The following MAPKAP1 variants were observed in gnomAD, a reference collection of about 807,000 sequenced individuals.
The protein encoded by MAPKAP1 is MAPK associated protein 1.
A neutral mutation model predicts 65.7 loss-of-function variants in MAPKAP1; 20 were observed. That is an observed-to-expected ratio of 0.30 (90% CI 0.21 to 0.44). The LOEUF is 0.44. Among genes scored for constraint, MAPKAP1 ranks in the 20% least tolerant of loss-of-function variants. MAPKAP1 has a pLI of 1.00. For missense variants in MAPKAP1, 423 were observed against 648.0 expected (o/e 0.65, Z 3.77); for synonymous variants, 222 against 244.3 (o/e 0.91, Z 0.85).
rs562224120 is a variant in MAPKAP1, at chr9:125,487,104, A to G, written c.1067-2521T>C. The stretch of plus-strand genomic sequence containing the variant: ...ATGTACTGAACGAATACCAGGTGCC[A>G]TGTCCACAGGAAGGTGAGGGTCAAA... On this transcript the variant is annotated intron_variant, in intron 8 of 11. Transcript: ENST00000265960. Among the ~76,000 whole-genome samples the G allele has an allele frequency of 2.6e-5, 4 of 152,332 alleles. No individual in the cohort carries two copies. In the South Asian group the frequency reaches 8.3e-4, roughly 32 times the overall value.
At chr9:125,535,062 C>A (rs1830035287) in intron 7 of MAPKAP1, among the ~76,000 whole-genome samples, 1 of 152,188 alleles carries the variant, frequency 6.6e-6, no homozygotes, top group South Asian at 2.1e-4. Flanking sequence ...AACATAAATG[C>A]ACTTCTATTT....
At chr9:125,693,532 T>TAC (rs576288762) in intron 1 of MAPKAP1, among the ~76,000 whole-genome samples, 6 of 89,926 alleles carry the variant, frequency 6.7e-5, no homozygotes, top group Non-Finnish European at 8.0e-5. Context: ...TATACACATA[T>TAC]ACACACACAT....
intron 7 of MAPKAP1, among the ~76,000 whole-genome samples, chr9:125,533,494 C>T (rs938783253): frequency 1.4e-4 from 22 of 151,942 alleles, no homozygotes; most frequent in Non-Finnish European, 3.1e-4. Flanking sequence ...CTGTCACCCA[C>T]GCTAGAGTAC....
At chr9:125,448,951 G>C (rs1290817451) in intron 10 of MAPKAP1, among the ~76,000 whole-genome samples, 2 of 148,050 alleles carry the variant, frequency 1.4e-5, no homozygotes, top group Admixed American at 1.4e-4. Context: ...GTTGCAGTGA[G>C]CTGAGATTGT....
intron 11 of MAPKAP1, among the ~76,000 whole-genome samples, chr9:125,443,060 G>C (rs1389438456): frequency 6.6e-6 from 1 of 152,178 alleles, no homozygotes; most frequent in East Asian, 1.9e-4. Flanking sequence ...TGGGAAATGG[G>C]AACAACTTTA....
Position 125,438,014 on chromosome 9 carries a change from A to C in MAPKAP1, c.*873T>G. The C allele has an allele frequency of 2.0e-5, 4 of 201,104 alleles. No individual in the cohort carries two copies. Among genetic ancestry groups the C allele is most frequent in the Non-Finnish European group, 4.0e-5 (4 of 100,464 alleles). 12.5% of individuals were successfully genotyped at this position (201,104 alleles called of 1,614,324 possible). A position where few individuals can be genotyped will look rare whatever the true frequency, so the allele number is the denominator to read the frequency against. The stretch of plus-strand genomic sequence containing the variant: ...GCTGTAAGGAGAAGAGGAATGGGGA[A>C]TGTGGCCCCTTCCAAGGCAGCGAAG... On this transcript the variant is annotated 3_prime_UTR_variant, in exon 12 of 12. Coordinates refer to ENST00000265960, the MANE Select transcript of MAPKAP1 (RefSeq NM_001006617.3).
At chr9:125,510,596 G>A (rs932564386) in intron 7 of MAPKAP1, among the ~76,000 whole-genome samples, 2 of 152,124 alleles carry the variant, frequency 1.3e-5, no homozygotes, top group African/African-American at 2.4e-5. Flanking sequence ...AAATCCGTGT[G>A]TTTTCTGCCC....
chr9:125,443,657 T>C (rs1852581129), intron 11 of MAPKAP1, among the ~76,000 whole-genome samples: 1 of 151,860 alleles, frequency 6.6e-6, no homozygotes, highest in South Asian at 2.1e-4. Flanking sequence ...CACTCCACTC[T>C]GCAAGGCCCT....
At chr9:125,628,420 G>A (rs1833176778) in intron 4 of MAPKAP1, among the ~76,000 whole-genome samples, 1 of 152,152 alleles carries the variant, frequency 6.6e-6, no homozygotes, top group Admixed American at 6.5e-5. Flanking sequence ...TTACACCTGT[G>A]AAAAGTGTTC....
intron 9 of MAPKAP1, chr9:125,471,216 C>T (rs1437636002): frequency 6.6e-6 from 1 of 152,336 alleles, no homozygotes; most frequent in African/African-American, 2.4e-5. Flanking sequence ...TCCTGAGCAC[C>T]CCCGGGAAGA....
intron 1 of MAPKAP1, among the ~76,000 whole-genome samples, chr9:125,698,286 T>TAAAATATATATATATATATATATA (rs1286147958): frequency 3.9e-5 from 1 of 25,802 alleles, no homozygotes; most frequent in African/African-American, 1.8e-4. Flanking sequence ...ATAATATATA[T>TAAAATATATATATATATATATATA]AAATATATAT....
intron 10 of MAPKAP1, among the ~76,000 whole-genome samples, chr9:125,445,631 C>T (rs751999480): frequency 2.2e-4 from 33 of 152,254 alleles, no homozygotes; most frequent in Non-Finnish European, 4.1e-4. Context: ...ACAGGTCAAT[C>T]GGATTCCCTC....
chr9:125,478,521 G>C, intron 9 of MAPKAP1, among the ~76,000 whole-genome samples: 1 of 152,076 alleles, frequency 6.6e-6, no homozygotes, highest in East Asian at 1.9e-4. Context: ...GTAGAGACAG[G>C]GTTTTGTCAT....
chr9:125,443,387 G>A (rs1161505114), intron 11 of MAPKAP1, among the ~76,000 whole-genome samples: 1 of 152,082 alleles, frequency 6.6e-6, no homozygotes, highest in Non-Finnish European at 1.5e-5. Flanking sequence ...AGCCCTCTCT[G>A]GTCCTCGCCC....
At chr9:125,538,588 G>GT (rs1830142621) in intron 7 of MAPKAP1, among the ~76,000 whole-genome samples, 1 of 152,026 alleles carries the variant, frequency 6.6e-6, no homozygotes, top group Non-Finnish European at 1.5e-5. Context: ...AATCTGAAAT[G>GT]TTCTTTTTAC....
chr9:125,595,589 A>G lies in MAPKAP1; in HGVS notation c.499-9862T>C. On this transcript the variant is annotated intron_variant, in intron 4 of 11. Transcript: ENST00000265960. The surrounding 1 kb of genome is among the most constrained non-coding windows in gnomAD (Gnocchi z 4.0). ...AAATAATCTTGAATTAAGAAATATC[A>G]TGCTATGTTTGTCAGCTTACTCCTT... The G allele has an allele frequency of 7.7e-7, 1 of 1,297,398 alleles. No homozygotes were observed. The highest frequency in any genetic ancestry group is 1.5e-5 in the African/African-American group (1 of 67,006). 80.4% of individuals were successfully genotyped at this position (1,297,398 alleles called of 1,614,324 possible). A position where few individuals can be genotyped will look rare whatever the true frequency, so the allele number is the denominator to read the frequency against.
At chr9:125,534,761 G>A (rs550220096) in intron 7 of MAPKAP1, among the ~76,000 whole-genome samples, 7 of 151,196 alleles carry the variant, frequency 4.6e-5, no homozygotes, top group African/African-American at 1.7e-4. Context: ...AGCCCCTGAC[G>A]ACCACAGCAG....
intron 1 of MAPKAP1, among the ~76,000 whole-genome samples, chr9:125,693,863 A>G (rs1177972712): frequency 4.0e-5 from 6 of 148,912 alleles, no homozygotes; most frequent in African/African-American, 1.5e-4. Context: ...ACACACACAC[A>G]CACACACACA....
intron 4 of MAPKAP1, among the ~76,000 whole-genome samples, chr9:125,588,500 C>A (rs532126033): frequency 2.0e-5 from 3 of 152,274 alleles, no homozygotes; most frequent in African/African-American, 7.2e-5. Context: ...TTAAATACCA[C>A]AGAACCGTAC....
Sources: allele counts gnomAD v4.1 joint callset (sites outside exome capture counted in the v4.1 genomes callset), GRCh38; gene constraint gnomAD v4.1.1; non-coding constraint Gnocchi (gnomAD v3.1); transcripts MANE v1.5; gene names NCBI Gene and HGNC (gene_info 2026-07-23, HGNC 2026-07-21).